ATP8A2: variants seen among roughly 807,000 people sequenced by gnomAD.
ATP8A2 encodes ATPase phospholipid transporting 8A2, also known as phospholipid-transporting ATPase IB.
ATP8A2 carries 100 observed loss-of-function variants against 165.6 expected under a neutral mutation model. The observed-to-expected ratio is 0.60, with a 90% CI of 0.51 to 0.71. ATP8A2 has a LOEUF of 0.71. Among genes scored for constraint, ATP8A2 ranks in the 30% least tolerant of loss-of-function variants. ATP8A2 has a pLI of 0.00. For synonymous variants in ATP8A2, 543 were observed against 548.8 expected (o/e 0.99, Z 0.15); for missense variants, 1,227 against 1,479.5 (o/e 0.83, Z 2.80).
intron 24 of ATP8A2, among the ~76,000 whole-genome samples, chr13:25,618,386 G>A (rs1385568073): frequency 5.9e-5 from 9 of 152,076 alleles, no homozygotes; most frequent in Non-Finnish European, 1.2e-4. Context: ...CATGCCGGGT[G>A]TTGTCACTGC....
chr13:25,663,685 C>T (rs1283954370), intron 24 of ATP8A2, among the ~76,000 whole-genome samples: 4 of 152,162 alleles, frequency 2.6e-5, no homozygotes, highest in Non-Finnish European at 5.9e-5. Context: ...CAATCTTCGA[C>T]CTGATTACTG....
intron 33 of ATP8A2, among the ~76,000 whole-genome samples, chr13:25,895,244 A>AG (rs1375300719): frequency 6.6e-6 from 1 of 152,128 alleles, no homozygotes; most frequent in Non-Finnish European, 1.5e-5. Context: ...TTTAGCATGA[A>AG]GGTTGTTGAA....
rs200117675 is a variant in ATP8A2 at position 25,759,018 on chromosome 13, GGA to G, written c.2385-10019_2385-10018del. 5.0e-3 allele frequency among the ~76,000 whole-genome samples: 755 copies of G among 152,154 alleles called. 5 individuals carry two copies. The highest frequency in any genetic ancestry group is 0.017 in the African/African-American group (718 of 41,506). On this transcript the variant is annotated intron_variant, in intron 25 of 36. Transcript: ENST00000381655. ...AGAGAGAAAGGAAAGAAGGAAGGGG[GGA>G]GAGAGAGAAAGGGAAAGAAAGAGAA...
At chr13:25,399,015 G>C (rs537296512) in intron 1 of ATP8A2, among the ~76,000 whole-genome samples, 2 of 152,144 alleles carry the variant, frequency 1.3e-5, no homozygotes, top group East Asian at 3.8e-4. Context: ...TTGAAAATTT[G>C]TGGCAGTTTA....
At chr13:25,615,963 A>G (rs2040812717) in intron 24 of ATP8A2, among the ~76,000 whole-genome samples, 1 of 152,096 alleles carries the variant, frequency 6.6e-6, no homozygotes, top group East Asian at 1.9e-4. Context: ...CTCTCCTGGT[A>G]TGTTCCTGTG....
intron 28 of ATP8A2, among the ~76,000 whole-genome samples, chr13:25,830,781 A>C (rs752802919): frequency 6.6e-6 from 1 of 152,180 alleles, no homozygotes; most frequent in Non-Finnish European, 1.5e-5. Flanking sequence ...TCATGCACAC[A>C]CTAGTGAATG....
intron 33 of ATP8A2, among the ~76,000 whole-genome samples, chr13:25,908,603 C>T (rs1237164257): frequency 6.6e-6 from 1 of 152,216 alleles, no homozygotes; most frequent in Non-Finnish European, 1.5e-5. Flanking sequence ...CCCATGGCTG[C>T]TACAGTTGCT....
rs548841467 is a variant in ATP8A2 at position 25,615,465 on chromosome 13, G to T, written c.2211+25766G>T. Among the ~76,000 whole-genome samples the T allele has an allele frequency of 1.9e-3, 286 of 152,274 alleles. 2 individuals carry two copies. Among genetic ancestry groups the T allele is most frequent in the African/African-American group, 6.7e-3 (278 of 41,562 alleles). On this transcript the variant is annotated intron_variant, in intron 24 of 36. Coordinates refer to ENST00000381655, the MANE Select transcript of ATP8A2 (RefSeq NM_016529.6). Reference sequence around the variant, plus strand: ...GCTGAGAACTTGCCCCAGGCTACCAGCCTCTCGCTGAGAGGGTTTTCAGGT... The same window carrying T: ...GCTGAGAACTTGCCCCAGGCTACCATCCTCTCGCTGAGAGGGTTTTCAGGT...
intron 1 of ATP8A2, among the ~76,000 whole-genome samples, chr13:25,388,029 C>T (rs1175207705): frequency 1.3e-5 from 2 of 151,228 alleles, no homozygotes; most frequent in Non-Finnish European, 2.9e-5. Flanking sequence ...CACCACTGCA[C>T]TCCAGCCTGG....
intron 1 of ATP8A2, among the ~76,000 whole-genome samples, chr13:25,403,163 C>T (rs1389863398): frequency 6.6e-6 from 1 of 152,178 alleles, no homozygotes; most frequent in East Asian, 1.9e-4. Flanking sequence ...CACAGCACCT[C>T]TTTTTGCCTT....
At chr13:25,735,258 A>T (rs1371359656) in intron 25 of ATP8A2, among the ~76,000 whole-genome samples, 1 of 151,808 alleles carries the variant, frequency 6.6e-6, no homozygotes, top group Non-Finnish European at 1.5e-5. Context: ...TAAGGGTTGG[A>T]AGTTTTTTGT....
intron 33 of ATP8A2, among the ~76,000 whole-genome samples, chr13:25,916,084 A>G (rs1282759578): frequency 8.5e-5 from 13 of 152,230 alleles, no homozygotes; most frequent in Admixed American, 2.6e-4. Flanking sequence ...GTTGGTTTTG[A>G]AAACATTTTC....
intron 35 of ATP8A2, among the ~76,000 whole-genome samples, chr13:26,009,417 G>T (rs926103062): frequency 3.3e-5 from 5 of 152,214 alleles, no homozygotes; most frequent in Non-Finnish European, 7.3e-5. Flanking sequence ...TGCACTGAGG[G>T]CATCTGCGCA....
At chr13:25,443,767 A>G (rs1419560635) in intron 1 of ATP8A2, among the ~76,000 whole-genome samples, 1 of 152,216 alleles carries the variant, frequency 6.6e-6, no homozygotes, top group Non-Finnish European at 1.5e-5. Context: ...CATAGGCTAC[A>G]TGAGGGCACG....
At chr13:25,702,013 A>G (rs1040499480) in intron 25 of ATP8A2, among the ~76,000 whole-genome samples, 11 of 152,212 alleles carry the variant, frequency 7.2e-5, no homozygotes, top group African/African-American at 2.7e-4. Flanking sequence ...TAAAAAAATC[A>G]ACATGTACTT....
At chr13:25,433,270 C>CTTTTG (rs1005468513) in intron 1 of ATP8A2, among the ~76,000 whole-genome samples, 5 of 151,916 alleles carry the variant, frequency 3.3e-5, no homozygotes, top group Non-Finnish European at 7.4e-5. Flanking sequence ...TTTTCTTTTC[C>CTTTTG]TTTTGTTTTG....
chr13:25,668,086 C>T (rs78506365), intron 24 of ATP8A2, among the ~76,000 whole-genome samples: 5,694 of 152,192 alleles, frequency 0.037, 192 homozygotes, highest in East Asian at 0.13. Flanking sequence ...CCCCAAAATA[C>T]GTAAATAATG....
chr13:25,649,065 T>C (rs1231333013), intron 24 of ATP8A2: 2 of 498,420 alleles, frequency 4.0e-6, no homozygotes, highest in Non-Finnish European at 8.0e-6. Flanking sequence ...CATGATTTCT[T>C]CCTGAGTCCA....
At chr13:25,902,093 G>C (rs1019473565) in intron 33 of ATP8A2, among the ~76,000 whole-genome samples, 1 of 152,162 alleles carries the variant, frequency 6.6e-6, no homozygotes, top group Non-Finnish European at 1.5e-5. Context: ...TAGTGGAATA[G>C]GGGTATGGGG....
Sources: allele counts gnomAD v4.1 joint callset (sites outside exome capture counted in the v4.1 genomes callset), GRCh38; gene constraint gnomAD v4.1.1; transcripts MANE v1.5; gene names NCBI Gene and HGNC (gene_info 2026-07-23, HGNC 2026-07-21).